Variants in SLIT3 observed in about 807,000 individuals in gnomAD.
The protein encoded by SLIT3 is slit guidance ligand 3, also known as slit homolog 3 protein.
SLIT3 carries 68 observed loss-of-function variants against 184.0 expected under a neutral mutation model. That is an observed-to-expected ratio of 0.37 (90% CI 0.30 to 0.45). The LOEUF (loss-of-function observed/expected upper bound fraction) is 0.45, where lower values mean the gene tolerates loss of function less well. Ranked by LOEUF, SLIT3 falls within the 20% of genes least tolerant of loss-of-function variation. SLIT3 has a pLI of 1.00. For missense variants in SLIT3, 1,707 were observed against 2,026.0 expected (o/e 0.84, Z 3.02); for synonymous variants, 831 against 828.6 (o/e 1.00, Z -0.05).
chr5:168,717,558 T>C (rs993382233), intron 23 of SLIT3, among the ~76,000 whole-genome samples: 1 of 152,096 alleles, frequency 6.6e-6, no homozygotes, highest in Non-Finnish European at 1.5e-5. Flanking sequence ...TTGCTTTCTT[T>C]CCCCCTCCAG....
At chr5:169,244,634 C>A (rs1765522627) in intron 3 of SLIT3, 71 bp downstream of exon 3, 3 of 1,398,568 alleles carry the variant, frequency 2.1e-6, no homozygotes, top group African/African-American at 1.4e-5. Context: ...TTTACAAAAA[C>A]AAAACAAAAC....
intron 4 of SLIT3, among the ~76,000 whole-genome samples, chr5:169,053,542 T>C (rs933221854): frequency 6.6e-6 from 1 of 152,178 alleles, no homozygotes; most frequent in African/African-American, 2.4e-5. Flanking sequence ...TATGATATAG[T>C]CTATATTTCA....
chr5:168,705,425 T>C (rs1049812526), intron 26 of SLIT3, among the ~76,000 whole-genome samples: 2 of 147,634 alleles, frequency 1.4e-5, no homozygotes, highest in Non-Finnish European at 3.1e-5. Flanking sequence ...TATGTTACTG[T>C]TATTATCATA....
At chr5:168,887,913 G>A (rs1005808447) in intron 4 of SLIT3, among the ~76,000 whole-genome samples, 1 of 152,068 alleles carries the variant, frequency 6.6e-6, no homozygotes, top group Non-Finnish European at 1.5e-5. Context: ...AATAAAATAC[G>A]TAAATGTTGC....
chr5:169,230,337 A>C (rs1430705381), intron 3 of SLIT3, among the ~76,000 whole-genome samples: 1 of 152,164 alleles, frequency 6.6e-6, no homozygotes, highest in Non-Finnish European at 1.5e-5. Flanking sequence ...TCATGCTCTG[A>C]ATCTCTGCAT....
chr5:168,804,567 T>A (rs922141893), intron 9 of SLIT3, among the ~76,000 whole-genome samples: 1 of 152,032 alleles, frequency 6.6e-6, no homozygotes, highest in Non-Finnish European at 1.5e-5. Context: ...CCTAAGGGAA[T>A]GAATTGTCAG....
chr5:169,174,425 T>C (rs1430426126), intron 4 of SLIT3, among the ~76,000 whole-genome samples: 1 of 152,170 alleles, frequency 6.6e-6, no homozygotes, highest in Admixed American at 6.5e-5. Context: ...CATCTCTCCT[T>C]CTCAGAGTGA....
intron 3 of SLIT3, among the ~76,000 whole-genome samples, chr5:169,223,696 T>TA (rs113615190): frequency 1.3e-5 from 2 of 152,130 alleles, no homozygotes; most frequent in African/African-American, 2.4e-5. Flanking sequence ...CCTTTGGAGA[T>TA]AAAAAAGATT....
chr5:169,215,909 T>G (rs930565226), intron 3 of SLIT3, among the ~76,000 whole-genome samples: 4 of 152,244 alleles, frequency 2.6e-5, no homozygotes, highest in African/African-American at 7.2e-5. Context: ...GGAGTACCAC[T>G]CTTTTAAACA....
chr5:169,025,969 G>A (rs1756806360), intron 4 of SLIT3, among the ~76,000 whole-genome samples: 2 of 152,154 alleles, frequency 1.3e-5, no homozygotes, highest in African/African-American at 4.8e-5. Flanking sequence ...TAAAAGGTGA[G>A]TGGCTAATTT....
At chr5:169,154,068 G>A (rs1762215407) in intron 4 of SLIT3, among the ~76,000 whole-genome samples, 1 of 151,764 alleles carries the variant, frequency 6.6e-6, no homozygotes, top group Non-Finnish European at 1.5e-5. Flanking sequence ...CACCTCCTGG[G>A]TTCACGCCAT....
chr5:168,932,237 C>T lies in SLIT3; in HGVS notation c.414-48901G>A, dbSNP rs181076874. The stretch of plus-strand genomic sequence containing the variant: ...GCCAACTCCCTACCCATTCCTGACA[C>T]AGTTTTTTTGTTGTTGTTGTGTTTT... On this transcript the variant is annotated intron_variant, in intron 4 of 35. Coordinates refer to ENST00000519560, the MANE Select transcript of SLIT3 (RefSeq NM_003062.4). Among the ~76,000 whole-genome samples, 270 of 142,506 alleles carry T rather than the reference C, an allele frequency of 1.9e-3. 1 individual carries two copies. The highest frequency in any genetic ancestry group is 7.0e-3 in the African/African-American group (259 of 37,114). 93.5% of individuals were successfully genotyped at this position (142,506 alleles called of 152,430 possible).
chr5:169,140,773 G>A (rs1165997653), intron 4 of SLIT3, among the ~76,000 whole-genome samples: 2 of 152,174 alleles, frequency 1.3e-5, no homozygotes, highest in East Asian at 3.9e-4. Context: ...GCATTCCAAT[G>A]TGGGTCACAG....
intron 4 of SLIT3, among the ~76,000 whole-genome samples, chr5:169,055,702 G>C (rs1008211637): frequency 8.6e-5 from 13 of 152,046 alleles, no homozygotes; most frequent in Middle Eastern, 3.2e-3. Context: ...AGCTGGGTGT[G>C]GTAGCTGTAG....
At chr5:169,095,861 C>A (rs1759758288) in intron 4 of SLIT3, among the ~76,000 whole-genome samples, 1 of 152,180 alleles carries the variant, frequency 6.6e-6, no homozygotes, top group Admixed American at 6.5e-5. Flanking sequence ...GCCCAAGTAT[C>A]TTACATTTTA....
chr5:169,154,196 G>A (rs1302639261), intron 4 of SLIT3, among the ~76,000 whole-genome samples: 2 of 152,148 alleles, frequency 1.3e-5, no homozygotes, highest in East Asian at 1.9e-4. Context: ...TCCTGACCTC[G>A]TGATCCACCC....
At chr5:168,839,767 T>C (rs904964711) in intron 6 of SLIT3, among the ~76,000 whole-genome samples, 29 of 152,322 alleles carry the variant, frequency 1.9e-4, no homozygotes, top group African/African-American at 7.0e-4. Flanking sequence ...TGAACTATGC[T>C]TGGGATTCCC....
At position 169,039,861 on chromosome 5, in the gene SLIT3, C is replaced by G. The variant is rs192840896; in HGVS notation, c.413+153618G>C. On this transcript the variant is annotated intron_variant, in intron 4 of 35. Transcript: ENST00000519560. ...TTCTGTTACTTGCAGCCAAAGGCAC[C>G]CTACCTAATGCAAGCGCCTCAGGGC... is the stretch of plus-strand genomic sequence containing the variant. Among the ~76,000 whole-genome samples, 42 of 152,262 alleles carry G rather than the reference C, an allele frequency of 2.8e-4. No individual in the cohort carries two copies. The East Asian group carries it at 7.0e-3, about 25-fold the overall frequency.
At position 168,669,879 on chromosome 5, in the gene SLIT3, C is replaced by T; in HGVS notation, c.4240G>A (p.Ala1414Thr). 2 of 1,614,218 alleles carry T rather than the reference C, an allele frequency of 1.2e-6. No homozygotes were observed. Among genetic ancestry groups the T allele is most frequent in the East Asian group, 4.5e-5 (2 of 44,888 alleles). The change falls in exon 35 of 36, where the codon GCC (alanine) becomes ACC (threonine). Residue 1414 changes from alanine to threonine, a missense_variant. Ala to Thr is a moderately conservative substitution (Grantham distance 58, BLOSUM62 0). Transcript: ENST00000519560. ...NKNDSANACS[A>T]FKCHHGQCHI... ...CACTGCCCATGGTGACACTTGAAGG[C>T]TGAGCAGGCATTGGCAGAGTCATTC...
Sources: gnomAD v4.1 joint callset for allele counts (sites outside exome capture counted in the v4.1 genomes callset) on GRCh38, gnomAD v4.1.1 for gene constraint, MANE v1.5 for transcripts, NCBI Gene and HGNC (gene_info 2026-07-23, HGNC 2026-07-21) for gene names.